Variants in GMDS observed in about 807,000 individuals in gnomAD.
GMDS encodes GDP-mannose 4,6 dehydratase.
Under a neutral mutation model 49.9 loss-of-function variants are expected in GMDS, and 20 were observed. The observed-to-expected ratio is 0.40, with a 90% CI of 0.28 to 0.58. GMDS has a LOEUF of 0.58. Ranked by LOEUF, GMDS falls within the 20% of genes least tolerant of loss-of-function variation. The probability of loss-of-function intolerance (pLI) is 0.42; values close to 1 mark genes in which losing one functional copy is unlikely to be tolerated. For synonymous variants in GMDS, 177 were observed against 178.6 expected (o/e 0.99, Z 0.07); for missense variants, 362 against 481.4 (o/e 0.75, Z 2.32).
chr6:2,172,202 T>G (rs1337906127), intron 1 of GMDS, among the ~76,000 whole-genome samples: 2 of 151,966 alleles, frequency 1.3e-5, no homozygotes, highest in African/African-American at 4.8e-5. Flanking sequence ...TCTCTCAGAT[T>G]GAGGAGAAAA....
At chr6:2,064,112 AC>A (rs1237547631) in intron 4 of GMDS, among the ~76,000 whole-genome samples, 5 of 152,298 alleles carry the variant, frequency 3.3e-5, no homozygotes, top group Admixed American at 1.3e-4. Context: ...AACAAAAGGC[AC>A]CCAATAAAAC....
chr6:1,936,628 C>T (rs780651953), intron 6 of GMDS, among the ~76,000 whole-genome samples: 5 of 152,140 alleles, frequency 3.3e-5, no homozygotes, highest in Admixed American at 6.5e-5. Context: ...CACACCACAA[C>T]GTTTAGGTCA....
At chr6:1,822,296 T>C (rs1770933719) in intron 7 of GMDS, among the ~76,000 whole-genome samples, 1 of 152,236 alleles carries the variant, frequency 6.6e-6, no homozygotes, top group African/African-American at 2.4e-5. Flanking sequence ...TATTTTAAAG[T>C]GTGTGATGGC....
At position 1,642,616 on chromosome 6, in the gene GMDS, C is replaced by T. The variant is rs1763365350; in HGVS notation, c.988-18076G>A. Reference sequence around the variant, plus strand: ...TGAAGGTCAACCTGGTCTTTGTCCTCTAGGTTGGAGAACGGGGTTCCATGG... The same window carrying T: ...TGAAGGTCAACCTGGTCTTTGTCCTTTAGGTTGGAGAACGGGGTTCCATGG... On this transcript the variant is annotated intron_variant, in intron 9 of 10. Coordinates refer to ENST00000380815, the MANE Select transcript of GMDS (RefSeq NM_001500.4). 3.3e-5 allele frequency among the ~76,000 whole-genome samples: 5 copies of T among 152,232 alleles called. No individual in the cohort carries two copies. In the South Asian group the frequency reaches 1.0e-3, roughly 31 times the overall value.
intron 6 of GMDS, among the ~76,000 whole-genome samples, chr6:1,943,890 G>A (rs1456338885): frequency 6.6e-6 from 1 of 151,734 alleles, no homozygotes. Context: ...TTGTGACAGA[G>A]AGAGTATCAA....
At chr6:1,744,954 A>G (rs1581539292) in intron 7 of GMDS, among the ~76,000 whole-genome samples, 1 of 151,864 alleles carries the variant, frequency 6.6e-6, no homozygotes, top group Non-Finnish European at 1.5e-5. Flanking sequence ...TGGGCGCACG[A>G]GTGTACCCGT....
chr6:1,839,711 C>G (rs912564321), intron 7 of GMDS, among the ~76,000 whole-genome samples: 7 of 152,164 alleles, frequency 4.6e-5, no homozygotes, highest in African/African-American at 1.7e-4. Flanking sequence ...ATGGGCTTCA[C>G]AATGAGCTCT....
intron 4 of GMDS, among the ~76,000 whole-genome samples, chr6:2,057,687 TAA>T (rs1770859652): frequency 6.6e-6 from 1 of 152,140 alleles, no homozygotes; most frequent in African/African-American, 2.4e-5. Context: ...ATTGAAGAAA[TAA>T]ATGCAGGGAG....
intron 9 of GMDS, among the ~76,000 whole-genome samples, chr6:1,655,413 T>C (rs1038495637): frequency 1.3e-5 from 2 of 152,126 alleles, no homozygotes; most frequent in Non-Finnish European, 2.9e-5. Context: ...TTTTTTCAAT[T>C]GACACATTTT....
chr6:2,058,621 G>A (rs1770920894), intron 4 of GMDS, among the ~76,000 whole-genome samples: 1 of 152,170 alleles, frequency 6.6e-6, no homozygotes, highest in Non-Finnish European at 1.5e-5. Context: ...AGGATTCCTG[G>A]GAAGGGATGT....
chr6:2,018,824 C>A (rs979545288), intron 4 of GMDS, among the ~76,000 whole-genome samples: 2 of 152,026 alleles, frequency 1.3e-5, no homozygotes, highest in African/African-American at 4.8e-5. Context: ...TATGAATATG[C>A]ATTTTAATTT....
chr6:2,229,797 A>G (rs191838387), intron 1 of GMDS, among the ~76,000 whole-genome samples: 2 of 152,342 alleles, frequency 1.3e-5, no homozygotes, highest in East Asian at 3.9e-4. Context: ...CTGTTGACCT[A>G]TAAGATAAAT....
rs956972819 is a variant in GMDS at position 2,124,843 on chromosome 6, T to G, written c.103-112A>C. 4 of 731,432 alleles carry G rather than the reference T, an allele frequency of 5.5e-6. No homozygotes were observed. In the African/African-American group the frequency reaches 7.0e-5, roughly 13 times the overall value. The allele number at this position is 731,432 out of a possible 1,614,324, so 45.3% of individuals were successfully genotyped here. A position where few individuals can be genotyped will look rare whatever the true frequency, so the allele number is the denominator to read the frequency against. ...AAAAGGCTACCTAACTTAAGGACAA[T>G]GGCAACCTAAAATAAAAATAACACC... On this transcript the variant is annotated intron_variant, in intron 1 of 10. Transcript: ENST00000380815.
intron 7 of GMDS, among the ~76,000 whole-genome samples, chr6:1,903,001 T>C (rs529780259): frequency 3.7e-4 from 56 of 152,194 alleles, no homozygotes; most frequent in Non-Finnish European, 7.5e-4. Flanking sequence ...AGCCTATTTA[T>C]ATCTATCAAA....
chr6:1,969,289 A>AAAAAAAAAAAAAAAAAAAAAAAG lies in GMDS; in HGVS notation c.346-8324_346-8323insCTTTTTTTTTTTTTTTTTTTTTT, dbSNP rs56095985. On this transcript the variant is annotated intron_variant, in intron 4 of 10. Transcript: ENST00000380815. ...AAAAAAAAAAAAAAAAAAAAAAAAA[A>AAAAAAAAAAAAAAAAAAAAAAAG]AGAGAAAGAAAGAAAAAAAGAAATT... Among the ~76,000 whole-genome samples, 23 of 84,354 alleles carry AAAAAAAAAAAAAAAAAAAAAAAG rather than the reference A, an allele frequency of 2.7e-4. 3 individuals are homozygous for AAAAAAAAAAAAAAAAAAAAAAAG. The highest frequency in any genetic ancestry group is 4.6e-4 in the Non-Finnish European group (20 of 43,286). 55.3% of individuals were successfully genotyped at this position (84,354 alleles called of 152,430 possible). A position where few individuals can be genotyped will look rare whatever the true frequency, so the allele number is the denominator to read the frequency against.
At chr6:1,683,333 C>T (rs894174124) in intron 9 of GMDS, among the ~76,000 whole-genome samples, 30 of 152,194 alleles carry the variant, frequency 2.0e-4, no homozygotes, top group Non-Finnish European at 1.5e-5. Context: ...CCGTGTTAGC[C>T]AGGATGGTCT....
chr6:1,716,922 C>T lies in GMDS; in HGVS notation c.987+9494G>A, dbSNP rs571436710. Among the ~76,000 whole-genome samples the T allele has an allele frequency of 3.3e-5, 5 of 152,328 alleles. No individual in the cohort carries two copies. In the South Asian group the frequency reaches 8.3e-4, roughly 25 times the overall value. ...ATTTCCAGTTGCCCAAATGTATCAG[C>T]GGTGTTTTCTGAGTGTGTACATTAT... On this transcript the variant is annotated intron_variant, in intron 9 of 10. Coordinates refer to ENST00000380815, the MANE Select transcript of GMDS (RefSeq NM_001500.4).
chr6:1,912,360 T>C (rs767657324), intron 7 of GMDS, among the ~76,000 whole-genome samples: 2 of 150,980 alleles, frequency 1.3e-5, no homozygotes, highest in Admixed American at 6.6e-5. Context: ...AGTGAGACTT[T>C]GTCTAAAAAA....
At position 2,032,341 on chromosome 6, in the gene GMDS, T is replaced by C. The variant is rs1769018037; in HGVS notation, c.346-71375A>G. On this transcript the variant is annotated intron_variant, in intron 4 of 10. Coordinates refer to ENST00000380815, the MANE Select transcript of GMDS (RefSeq NM_001500.4). ...AAATTTGTCTTTTATCTTCTTCTTA[T>C]GGAATCCTATACAGCTGGAAATCTC... is the stretch of plus-strand genomic sequence containing the variant. Among the ~76,000 whole-genome samples, 3 of 152,328 alleles carry C rather than the reference T, an allele frequency of 2.0e-5. No homozygotes were observed. The South Asian group carries it at 6.2e-4, about 32-fold the overall frequency.
Sources: allele counts gnomAD v4.1 joint callset (sites outside exome capture counted in the v4.1 genomes callset), GRCh38; gene constraint gnomAD v4.1.1; transcripts MANE v1.5; gene names NCBI Gene and HGNC (gene_info 2026-07-23, HGNC 2026-07-21).